Variants in CLUAP1 observed in about 807,000 individuals in gnomAD.
The protein encoded by CLUAP1 is clusterin-associated protein 1.
A neutral mutation model predicts 55.0 loss-of-function variants in CLUAP1; 50 were observed. The ratio of observed to expected loss-of-function variants is 0.91; its 90% CI spans 0.72 to 1.15. The LOEUF (loss-of-function observed/expected upper bound fraction) is 1.15, where lower values mean the gene tolerates loss of function less well. Ranked by LOEUF, CLUAP1 falls within the 50% of genes most tolerant of loss-of-function variation. CLUAP1 has a pLI of 0.00. For synonymous variants in CLUAP1, 195 were observed against 175.4 expected, an observed-to-expected ratio of 1.11 and a Z score of -0.88; for missense variants, 530 against 507.6, an observed-to-expected ratio of 1.04 and a Z score of -0.42.
intron 8 of CLUAP1, 97 bp from the exon 9 acceptor site, chr16:3,526,315 G>T: frequency 3.0e-6 from 2 of 660,214 alleles, no homozygotes; most frequent in Admixed American, 3.9e-5. Flanking sequence ...TTTTTGTTCT[G>T]TAGCACAAAC....
intron 7 of CLUAP1, among the ~76,000 whole-genome samples, chr16:3,522,865 C>T (rs1043526153): frequency 3.9e-5 from 6 of 151,972 alleles, no homozygotes; most frequent in African/African-American, 9.7e-5. Flanking sequence ...AACTATCAAG[C>T]GCTTATACCT....
At position 3,530,590 on chromosome 16, in the gene CLUAP1, C is replaced by T. The variant is rs748464359; in HGVS notation, c.951C>T (p.Asp317=). ...TAGGTAACGATGACTCGGACATAGA[C>T]ATCCAGGAGGACGATGAATCCGACA... ...KSGSNDDSDI[D]IQEDDESDSE... is the part of the protein sequence containing the mutation. The change falls in exon 10 of 12, where the codon GAC becomes GAT. Residue 317 remains aspartate, a synonymous_variant. Transcript: ENST00000576634. 9 of 1,613,832 alleles carry T rather than the reference C, an allele frequency of 5.6e-6. No individual in the cohort carries two copies. The highest frequency in any genetic ancestry group is 7.6e-6 in the Non-Finnish European group (9 of 1,179,934).
intron 9 of CLUAP1, among the ~76,000 whole-genome samples, chr16:3,528,292 C>A (rs2037986514): frequency 6.6e-6 from 1 of 152,150 alleles, no homozygotes; most frequent in East Asian, 1.9e-4. Context: ...GGCATCAGGC[C>A]CACACACATG....
At chr16:3,516,836 AT>A (rs2037737718) in intron 6 of CLUAP1, among the ~76,000 whole-genome samples, 1 of 152,198 alleles carries the variant, frequency 6.6e-6, no homozygotes, top group Non-Finnish European at 1.5e-5. Flanking sequence ...AAAATGGCTA[AT>A]TCCAGAGTTG....
At chr16:3,533,058 T>G (rs766427041) in intron 11 of CLUAP1, 13 of 1,521,956 alleles carry the variant, frequency 8.5e-6, no homozygotes, top group Non-Finnish European at 1.1e-5. Context: ...GCTCTGCTTT[T>G]TTTGCCTTCT....
chr16:3,511,433 C>A (rs1423268702), intron 4 of CLUAP1, among the ~76,000 whole-genome samples: 1 of 152,202 alleles, frequency 6.6e-6, no homozygotes, highest in Non-Finnish European at 1.5e-5. Context: ...AGCTGCCCAT[C>A]TGTGGAGCCC....
chr16:3,531,816 C>T lies in CLUAP1; in HGVS notation c.1037-970C>T, dbSNP rs115618819. On this transcript the variant is annotated intron_variant, in intron 10 of 11. Coordinates refer to ENST00000576634, the MANE Select transcript of CLUAP1 (RefSeq NM_015041.3). ...ATTAAGTACAATTGGAACTCTTCCT[C>T]TGTCAGCAATAGATCTGCCCCCTAA... Among the ~76,000 whole-genome samples the T allele has an allele frequency of 3.0e-3, 458 of 151,926 alleles. 4 individuals carry two copies. The highest frequency in any genetic ancestry group is 0.011 in the African/African-American group (441 of 41,488).
intron 6 of CLUAP1, among the ~76,000 whole-genome samples, chr16:3,519,645 C>T (rs2037795884): frequency 6.6e-6 from 1 of 152,180 alleles, no homozygotes; most frequent in Non-Finnish European, 1.5e-5. Context: ...CTCTTCTTTG[C>T]ATCTTCACTT....
intron 1 of CLUAP1, among the ~76,000 whole-genome samples, chr16:3,501,878 C>T (rs939444694): frequency 1.1e-4 from 16 of 152,068 alleles, no homozygotes; most frequent in Non-Finnish European, 2.2e-4. Context: ...AACGATCTGC[C>T]AGGGCCCGCT....
chr16:3,526,671 G>A (rs2037950396), intron 9 of CLUAP1, among the ~76,000 whole-genome samples, 187 bp downstream of exon 9: 2 of 150,812 alleles, frequency 1.3e-5, no homozygotes, highest in Admixed American at 1.3e-4. Context: ...ATAAATTATT[G>A]TTGACTATAG....
intron 6 of CLUAP1, among the ~76,000 whole-genome samples, chr16:3,518,961 C>T (rs1374562706): frequency 3.9e-5 from 6 of 152,192 alleles, no homozygotes; most frequent in Non-Finnish European, 1.5e-5. Flanking sequence ...GGAAGCCCCA[C>T]CTTGGCCACC....
At chr16:3,529,639 T>TTATA (rs1567439856) in intron 9 of CLUAP1, among the ~76,000 whole-genome samples, 11 of 27,184 alleles carry the variant, frequency 4.0e-4, no homozygotes, top group African/African-American at 3.1e-3. Flanking sequence ...TATATTATTA[T>TTATA]ATATTATATA....
At chr16:3,519,779 A>T (rs755839888) in intron 6 of CLUAP1, 124 bp from the exon 7 acceptor site, 1 of 915,570 alleles carries the variant, frequency 1.1e-6, no homozygotes, top group Admixed American at 2.7e-5. Context: ...GGAAGTGTCT[A>T]TTTGTTTGCT....
chr16:3,520,180 C>T, intron 7 of CLUAP1, 144 bp downstream of exon 7: 1 of 782,966 alleles, frequency 1.3e-6, no homozygotes. Context: ...TGAGACCAGC[C>T]TGGGCAGCAT....
intron 8 of CLUAP1, 66 bp from the exon 9 acceptor site, chr16:3,526,346 G>C: frequency 9.2e-7 from 1 of 1,092,052 alleles, no homozygotes; most frequent in Non-Finnish European, 1.3e-6. Context: ...TTACACAGTG[G>C]TGAAGAAGAA....
At chr16:3,500,284 C>A (rs548401967), upstream of CLUAP1, among the ~76,000 whole-genome samples, 1 of 152,208 alleles carries the variant, frequency 6.6e-6, no homozygotes, top group African/African-American at 2.4e-5. Flanking sequence ...ACAGTGATCC[C>A]GTCCTCCGCT....
At chr16:3,519,526 A>G (rs2037793342) in intron 6 of CLUAP1, among the ~76,000 whole-genome samples, 1 of 152,142 alleles carries the variant, frequency 6.6e-6, no homozygotes, top group Non-Finnish European at 1.5e-5. Flanking sequence ...AACTAGGGGC[A>G]TGGCCCGAAT....
chr16:3,533,211 C>A, intron 11 of CLUAP1: 1 of 1,392,892 alleles, frequency 7.2e-7, no homozygotes, highest in Non-Finnish European at 9.8e-7. Context: ...CCTCCCGGGG[C>A]CAGCCAGGGG....
At chr16:3,517,252 C>G (rs1015860158) in intron 6 of CLUAP1, among the ~76,000 whole-genome samples, 3 of 151,782 alleles carry the variant, frequency 2.0e-5, no homozygotes, top group African/African-American at 4.8e-5. Context: ...GCTGGGATTA[C>G]TGGCGCACAC....
Sources: gnomAD v4.1 joint callset for allele counts (sites outside exome capture counted in the v4.1 genomes callset) on GRCh38, gnomAD v4.1.1 for gene constraint, MANE v1.5 for transcripts, NCBI Gene and HGNC (gene_info 2026-07-23, HGNC 2026-07-21) for gene names.